ECHDC2: variants seen among roughly 807,000 people sequenced by gnomAD.
The protein encoded by ECHDC2 is enoyl-CoA hydratase domain-containing protein 2, mitochondrial.
A neutral mutation model predicts 40.6 loss-of-function variants in ECHDC2; 34 were observed. That is an observed-to-expected ratio of 0.84 (90% CI 0.64 to 1.11). The LOEUF is 1.11. Among genes scored for constraint, ECHDC2 ranks in the 50% most tolerant of loss-of-function variants. The pLI is 0.00. For missense variants in ECHDC2, 392 were observed against 400.7 expected, an observed-to-expected ratio of 0.98 and a Z score of 0.19; for synonymous variants, 162 against 166.6, an observed-to-expected ratio of 0.97 and a Z score of 0.21.
rs1651936250 is a variant in ECHDC2, at chr1:52,921,659, C to T, written c.15G>A (p.Leu5=). The part of the protein sequence containing the change: MLRV[L]CLLRPWRPLR... Reference sequence around the variant, plus strand: ...GGGGCCTCCAGGGGCGCAGGAGGCACAGAACGCGCAGCATCGGGGCGCAGG... The same window carrying T: ...GGGGCCTCCAGGGGCGCAGGAGGCATAGAACGCGCAGCATCGGGGCGCAGG... The change falls in exon 1 of 10, where the codon CTG becomes CTA. Residue 5 remains leucine (L), a synonymous_variant. Coordinates refer to ENST00000371522, the MANE Select transcript of ECHDC2 (RefSeq NM_001198961.2). 3.8e-6 allele frequency: 6 copies of T among 1,575,076 alleles called. No homozygotes were observed. Among genetic ancestry groups the T allele is most frequent in the Non-Finnish European group, 5.2e-6 (6 of 1,162,408 alleles).
At chr1:52,897,732 T>A in intron 8 of ECHDC2, 1 of 579,066 alleles carries the variant, frequency 1.7e-6, no homozygotes, top group South Asian at 2.0e-5. Flanking sequence ...CCACGCTTCC[T>A]GTCACCCGTT....
At chr1:52,916,055 CG>C (rs1171587235) in intron 1 of ECHDC2, among the ~76,000 whole-genome samples, 2 of 152,148 alleles carry the variant, frequency 1.3e-5, no homozygotes, top group African/African-American at 4.8e-5. Context: ...AGATCTTTCC[CG>C]TCAAGCCTGG....
intron 7 of ECHDC2, among the ~76,000 whole-genome samples, chr1:52,903,278 G>A (rs996302942): frequency 2.0e-5 from 3 of 152,102 alleles, no homozygotes; most frequent in African/African-American, 7.2e-5. Flanking sequence ...TCTTTCAATA[G>A]ATTTTAGGGA....
chr1:52,906,494 C>T (rs1483181343), intron 5 of ECHDC2, 25 bp downstream of exon 5: 13 of 1,584,452 alleles, frequency 8.2e-6, no homozygotes, highest in South Asian at 5.7e-5. Context: ...AGCCCCACCC[C>T]CTGCCCCCAG....
chr1:52,910,352 GTTTTTTTTTTTTT>G (rs869088329), intron 3 of ECHDC2, among the ~76,000 whole-genome samples: 16 of 32,102 alleles, frequency 5.0e-4, no homozygotes, highest in Admixed American at 1.9e-3. Flanking sequence ...CCACAATTTC[GTTTTTTTTTTTTT>G]TTTTTTTTTT....
At chr1:52,904,152 A>G (rs1226426539) in intron 7 of ECHDC2, among the ~76,000 whole-genome samples, 1 of 152,184 alleles carries the variant, frequency 6.6e-6, no homozygotes, top group East Asian at 1.9e-4. Context: ...ACCAGGCAGT[A>G]TGGTAGGAAA....
At chr1:52,906,661 A>G in intron 4 of ECHDC2, 50 bp from the exon 5 acceptor site, 1 of 1,484,712 alleles carries the variant, frequency 6.7e-7, no homozygotes, top group Non-Finnish European at 9.1e-7. Context: ...TGGGACCAGG[A>G]CAGAGACTCA....
chr1:52,903,096 G>A (rs1647091689), intron 7 of ECHDC2, among the ~76,000 whole-genome samples: 1 of 152,028 alleles, frequency 6.6e-6, no homozygotes, highest in Non-Finnish European at 1.5e-5. Context: ...GCAGACCCTC[G>A]CAGGGCCTTG....
At chr1:52,907,514 T>G in intron 4 of ECHDC2, 1 of 230,958 alleles carries the variant, frequency 4.3e-6, no homozygotes. Flanking sequence ...GAGGAGGAGG[T>G]ACTGGAGGGC....
At chr1:52,901,001 A>C (rs1163555586) in intron 7 of ECHDC2, 1 of 152,130 alleles carries the variant, frequency 6.6e-6, no homozygotes, top group Non-Finnish European at 1.5e-5. Context: ...TCTACAAAAA[A>C]TAAAAAATTA....
intron 4 of ECHDC2, chr1:52,906,874 C>T (rs1406916168): frequency 8.8e-6 from 2 of 228,014 alleles, no homozygotes; most frequent in Non-Finnish European, 1.7e-5. Flanking sequence ...AAGTGATTCT[C>T]TTGCCTCAAC....
At chr1:52,907,836 C>T in intron 4 of ECHDC2, 32 bp downstream of exon 4, 4 of 1,458,180 alleles carry the variant, frequency 2.7e-6, no homozygotes, top group Non-Finnish European at 3.8e-6. Flanking sequence ...GACCCCCAAA[C>T]CCCCTCCTCC....
chr1:52,913,889 T>C (rs1650113033), intron 1 of ECHDC2: 3 of 1,131,560 alleles, frequency 2.7e-6, no homozygotes, highest in Middle Eastern at 3.6e-4. Flanking sequence ...TTCTCCTTCC[T>C]CCTACCTTTC....
In ECHDC2 at chr1:52,921,667, G is replaced by A. The variant is rs753353382; in HGVS notation, c.7C>T (p.Arg3Cys). The change falls in exon 1 of 10, where the codon CGC becomes TGC. Residue 3 changes from arginine to cysteine, a missense_variant. By Grantham distance (180) the Arg-to-Cys change is radical (BLOSUM62 -3). Coordinates refer to ENST00000371522, the MANE Select transcript of ECHDC2 (RefSeq NM_001198961.2). The stretch of plus-strand genomic sequence containing the variant: ...CAGGGGCGCAGGAGGCACAGAACGC[G>A]CAGCATCGGGGCGCAGGCTGGGAGT... ML[R>C]VLCLLRPWRP... The A allele has an allele frequency of 3.8e-6, 6 of 1,568,814 alleles. 1 individual carries two copies. In the South Asian group the frequency reaches 4.7e-5, roughly 12 times the overall value.
At position 52,908,929 on chromosome 1, in the gene ECHDC2, CAAAAAAAAAAA is replaced by C. The variant is rs34090739; in HGVS notation, c.278-986_278-976del. ...CGCTCCATCCTGGGTGACAGAGTCT[CAAAAAAAAAAA>C]AAAAAAAAAAAAAAGGAAAAAGGAC... is the stretch of plus-strand genomic sequence containing the variant. On this transcript the variant is annotated intron_variant, in intron 3 of 9. Coordinates refer to ENST00000371522, the MANE Select transcript of ECHDC2 (RefSeq NM_001198961.2). 4.6e-5 allele frequency among the ~76,000 whole-genome samples: 2 copies of C among 43,864 alleles called. 1 individual carries two copies. The highest frequency in any genetic ancestry group is 1.0e-4 in the Non-Finnish European group (2 of 19,440). 28.8% of individuals were successfully genotyped at this position (43,864 alleles called of 152,430 possible).
At chr1:52,898,855 G>C (rs1241990970) in intron 8 of ECHDC2, 1 of 435,706 alleles carries the variant, frequency 2.3e-6, no homozygotes, top group Non-Finnish European at 4.2e-6. Flanking sequence ...AAATCTTGCA[G>C]CATGGACTGG....
chr1:52,907,802 G>A, intron 4 of ECHDC2, 66 bp downstream of exon 4: 3 of 1,346,176 alleles, frequency 2.2e-6, no homozygotes, highest in Non-Finnish European at 2.1e-6. Flanking sequence ...TGCTGGTGGG[G>A]GTAGCGGGAC....
chr1:52,916,146 G>A (rs1650621905), intron 1 of ECHDC2, among the ~76,000 whole-genome samples: 1 of 152,194 alleles, frequency 6.6e-6, no homozygotes, highest in African/African-American at 2.4e-5. Context: ...GCTAAGTTGT[G>A]CCTTGACTTC....
At chr1:52,902,363 G>C (rs1388928418) in intron 7 of ECHDC2, among the ~76,000 whole-genome samples, 1 of 152,062 alleles carries the variant, frequency 6.6e-6, no homozygotes, top group Non-Finnish European at 1.5e-5. Context: ...TGCCATGTTG[G>C]CCAGGCTGGT....
Sources: gnomAD v4.1 joint callset for allele counts (sites outside exome capture counted in the v4.1 genomes callset) on GRCh38, gnomAD v4.1.1 for gene constraint, MANE v1.5 for transcripts, NCBI Gene and HGNC (gene_info 2026-07-23, HGNC 2026-07-21) for gene names.